DGUOK: variants seen among roughly 807,000 people sequenced by gnomAD.
DGUOK encodes deoxyguanosine kinase, mitochondrial.
DGUOK carries 30 observed loss-of-function variants against 36.6 expected under a neutral mutation model. The ratio of observed to expected loss-of-function variants is 0.82; its 90% confidence interval spans 0.61 to 1.11. The LOEUF (loss-of-function observed/expected upper bound fraction) is 1.11, where lower values mean the gene tolerates loss of function less well. Among genes scored for constraint, DGUOK ranks in the 50% most tolerant of loss-of-function variants. The pLI is 0.00. For synonymous variants in DGUOK, 145 were observed against 126.3 expected (o/e 1.15, Z -0.99); for missense variants, 361 against 336.4 (o/e 1.07, Z -0.57).
At chr2:73,936,792 G>GAGCCCCATCCTGTAGCTGGAGA (rs1681497923) in intron 1 of DGUOK, among the ~76,000 whole-genome samples, 2 of 152,126 alleles carry the variant, frequency 1.3e-5, no homozygotes, top group Non-Finnish European at 2.9e-5. Flanking sequence ...TACCCTGGAG[G>GAGCCCCATCCTGTAGCTGGAGA]AGCCCCATCC....
intron 5 of DGUOK, 55 bp downstream of exon 5, chr2:73,957,295 G>T: frequency 7.1e-7 from 1 of 1,403,842 alleles, no homozygotes; most frequent in South Asian, 1.2e-5. Flanking sequence ...CCAACAGCCA[G>T]TTGTTAAAAA....
At chr2:73,943,324 T>A (rs116494113) in intron 2 of DGUOK, among the ~76,000 whole-genome samples, 9,332 of 30,734 alleles carry the variant, frequency 0.3, 635 homozygotes, top group African/African-American at 0.45. Context: ...TACTTAAAAA[T>A]TTTTTTTTTT....
At chr2:73,941,631 T>C (rs542330516) in intron 2 of DGUOK, among the ~76,000 whole-genome samples, 1 of 152,332 alleles carries the variant, frequency 6.6e-6, no homozygotes, top group South Asian at 2.1e-4. Context: ...AATATGAATA[T>C]TATCATTTAG....
chr2:73,952,519 G>C (rs1682772298), intron 4 of DGUOK, among the ~76,000 whole-genome samples: 1 of 152,230 alleles, frequency 6.6e-6, no homozygotes, highest in Non-Finnish European at 1.5e-5. Context: ...GTTGGATTGA[G>C]TAAAGATCCT....
intron 2 of DGUOK, among the ~76,000 whole-genome samples, chr2:73,939,542 C>T (rs1371732608): frequency 1.3e-5 from 2 of 152,232 alleles, no homozygotes; most frequent in Non-Finnish European, 2.9e-5. Flanking sequence ...CACCTCATGG[C>T]TTAGGCCCTG....
At chr2:73,946,070 A>AAAGG (rs56231941) in intron 2 of DGUOK, among the ~76,000 whole-genome samples, 3 of 142,972 alleles carry the variant, frequency 2.1e-5, no homozygotes, top group Non-Finnish European at 4.6e-5. Context: ...AAAAAAAAAA[A>AAAGG]AATCCGGGGC....
At chr2:73,930,464 C>T (rs2462124) in intron 1 of DGUOK, among the ~76,000 whole-genome samples, 85,543 of 151,998 alleles carry the variant, frequency 0.56, 25,341 homozygotes, top group Non-Finnish European at 0.65. Flanking sequence ...ATGTTTTGTA[C>T]TGTACTTTGA....
Position 73,946,642 on chromosome 2 carries a change from G to A in DGUOK, c.256-77G>A, listed in dbSNP as rs144587099. The A allele has an allele frequency of 1.1e-5, 14 of 1,272,466 alleles. No homozygotes were observed. In the South Asian group the frequency reaches 1.7e-4, roughly 15 times the overall value. The allele number at this position is 1,272,466 out of a possible 1,614,324, so 78.8% of individuals were successfully genotyped here. A position where few individuals can be genotyped will look rare whatever the true frequency, so the allele number is the denominator to read the frequency against. The stretch of plus-strand genomic sequence containing the variant: ...ATTAAACCTGTTTGGGGAGGTAGGG[G>A]TGTGTGTGGAGGGGTGTACCCCATG... On this transcript the variant is annotated intron_variant, in intron 2 of 6. Coordinates refer to ENST00000264093, the MANE Select transcript of DGUOK (RefSeq NM_080916.3).
At chr2:73,943,822 TTTTTAG>T (rs1248345932) in intron 2 of DGUOK, among the ~76,000 whole-genome samples, 1 of 152,058 alleles carries the variant, frequency 6.6e-6, no homozygotes, top group Non-Finnish European at 1.5e-5. Context: ...TAATTTTGTA[TTTTTAG>T]TAGAGACAGG....
Position 73,950,705 on chromosome 2 carries a change from C to T in DGUOK, c.564C>T (p.Gly188=). 6.2e-7 allele frequency: 1 copy of T among 1,614,182 alleles called. No individual in the cohort carries two copies. Among genetic ancestry groups the T allele is most frequent in the Non-Finnish European group, 8.5e-7 (1 of 1,180,028 alleles). The change falls in exon 4 of 7, where the codon GGC becomes GGT. Residue 188 remains glycine, a synonymous_variant. Coordinates refer to ENST00000264093, the MANE Select transcript of DGUOK (RefSeq NM_080916.3). ...TTGCCAGCCGGATCACATTACATGG[C>T]TTCATCTACCTCCAGGCTTCTCCCC... ...WEFASRITLH[G]FIYLQASPQV... is the part of the protein sequence containing the mutation.
At chr2:73,955,828 C>T (rs550884270) in intron 4 of DGUOK, among the ~76,000 whole-genome samples, 6 of 152,138 alleles carry the variant, frequency 3.9e-5, no homozygotes, top group Admixed American at 2.6e-4. Context: ...GAGCTGAGAT[C>T]GCGCCACTGC....
chr2:73,928,661 C>T (rs1363276519), intron 1 of DGUOK, among the ~76,000 whole-genome samples: 1 of 152,036 alleles, frequency 6.6e-6, no homozygotes, highest in Non-Finnish European at 1.5e-5. Flanking sequence ...GGCAAAAGCC[C>T]AAGGGGTGGC....
At chr2:73,958,051 G>T (rs1179629399) in intron 5 of DGUOK, 95 bp from the exon 6 acceptor site, 12 of 931,156 alleles carry the variant, frequency 1.3e-5, no homozygotes, top group South Asian at 1.1e-4. Context: ...GTTGAATTTA[G>T]ATCTGTTCTC....
intron 2 of DGUOK, among the ~76,000 whole-genome samples, chr2:73,942,819 A>AT (rs1229474952): frequency 1.3e-5 from 2 of 152,188 alleles, no homozygotes; most frequent in African/African-American, 4.8e-5. Flanking sequence ...GTTAAGTTTA[A>AT]TGTTTATTAT....
chr2:73,944,572 C>G (rs547407126), intron 2 of DGUOK, among the ~76,000 whole-genome samples: 5 of 152,212 alleles, frequency 3.3e-5, no homozygotes, highest in Non-Finnish European at 7.3e-5. Flanking sequence ...GACTAGTCCT[C>G]TCCTTTTGAA....
chr2:73,931,265 G>A (rs191972905), intron 1 of DGUOK, among the ~76,000 whole-genome samples: 4 of 151,814 alleles, frequency 2.6e-5, no homozygotes, highest in Non-Finnish European at 5.9e-5. Context: ...AGTTTTTTGG[G>A]GGTTTTTTTG....
intron 1 of DGUOK, among the ~76,000 whole-genome samples, chr2:73,936,590 C>A (rs1383319951): frequency 6.6e-6 from 1 of 152,158 alleles, no homozygotes; most frequent in Non-Finnish European, 1.5e-5. Flanking sequence ...CAATCAGTAA[C>A]CATAAGTGGA....
intron 3 of DGUOK, among the ~76,000 whole-genome samples, chr2:73,948,442 C>A (rs973271847): frequency 6.6e-6 from 1 of 152,174 alleles, no homozygotes; most frequent in Admixed American, 6.5e-5. Context: ...AGGGCATTTT[C>A]GAGACAGAAA....
intron 4 of DGUOK, among the ~76,000 whole-genome samples, chr2:73,953,881 G>T (rs1403454033): frequency 6.6e-6 from 1 of 151,932 alleles, no homozygotes; most frequent in Non-Finnish European, 1.5e-5. Flanking sequence ...ACCACACCCG[G>T]CTAATTTTTT....
Sources: gnomAD v4.1 joint callset for allele counts (sites outside exome capture counted in the v4.1 genomes callset) on GRCh38, gnomAD v4.1.1 for gene constraint, MANE v1.5 for transcripts, NCBI Gene and HGNC (gene_info 2026-07-23, HGNC 2026-07-21) for gene names.